The following KCNU1 variants were observed in gnomAD, a reference collection of about 807,000 sequenced individuals.
KCNU1 encodes potassium calcium-activated channel subfamily U member 1, also known as potassium channel subfamily U member 1.
A neutral mutation model predicts 126.8 loss-of-function variants in KCNU1; 93 were observed. That is an observed-to-expected ratio of 0.73 (90% CI 0.62 to 0.87). The LOEUF (loss-of-function observed/expected upper bound fraction) is 0.87. KCNU1 is among the 40% of genes least tolerant of loss of function. The pLI is 0.00. For synonymous variants in KCNU1, 523 were observed against 494.2 expected (o/e 1.06, Z -0.77); for missense variants, 1,330 against 1,367.1 (o/e 0.97, Z 0.43).
intron 24 of KCNU1, among the ~76,000 whole-genome samples, chr8:36,925,952 C>T (rs1426353564): frequency 1.3e-5 from 2 of 152,110 alleles, no homozygotes; most frequent in African/African-American, 2.4e-5. Flanking sequence ...ACCCCCAAGG[C>T]AGACATTGCT....
intron 18 of KCNU1, among the ~76,000 whole-genome samples, chr8:36,846,832 A>G (rs1805169804): frequency 1.3e-5 from 2 of 151,492 alleles, no homozygotes; most frequent in African/African-American, 4.9e-5. Context: ...GTACATTCAG[A>G]CTCTATGTGT....
chr8:36,825,271 T>C (rs2130508472), intron 10 of KCNU1, among the ~76,000 whole-genome samples: 1 of 152,328 alleles, frequency 6.6e-6, no homozygotes, highest in South Asian at 2.1e-4. Flanking sequence ...ATAAGCCACC[T>C]GGACTCCCTC....
chr8:36,851,007 G>A (rs1805323221), intron 18 of KCNU1, among the ~76,000 whole-genome samples: 1 of 152,110 alleles, frequency 6.6e-6, no homozygotes, highest in African/African-American at 2.4e-5. Context: ...TTGACACTGG[G>A]AACAATAAGT....
At chr8:36,797,865 G>A (rs1011758380) in intron 2 of KCNU1, among the ~76,000 whole-genome samples, 1 of 152,166 alleles carries the variant, frequency 6.6e-6, no homozygotes, top group East Asian at 1.9e-4. Flanking sequence ...CTAAGCTATT[G>A]TCTAGCAGCT....
rs1486317836 is a variant in KCNU1 at position 36,814,320 on chromosome 8, G to A, written c.846G>A (p.Val282=). The A allele has an allele frequency of 6.2e-7, 1 of 1,612,968 alleles. No individual in the cohort carries two copies. The highest frequency in any genetic ancestry group is 2.2e-5 in the East Asian group (1 of 44,742). ...ATTSTVGFGD[V]VAKTSLGRTF... is the part of the protein sequence containing the mutation. ...CGTCAACCGTTGGATTTGGAGATGT[G>A]GTAGCCAAGACATCCTTAGGACGGA... Residue 282 remains valine (V), a synonymous_variant, in exon 8 of 27, where the codon GTG becomes GTA. Transcript: ENST00000399881.
At chr8:36,894,328 T>C (rs1248989537) in intron 19 of KCNU1, among the ~76,000 whole-genome samples, 1 of 152,116 alleles carries the variant, frequency 6.6e-6, no homozygotes, top group Non-Finnish European at 1.5e-5. Context: ...TAAAAGAACA[T>C]CTTAGCACAG....
rs776161928 is a variant in KCNU1, at chr8:36,932,993, G to A, written c.3005G>A (p.Arg1002Gln). The A allele has an allele frequency of 1.1e-5, 17 of 1,569,296 alleles. No homozygotes were observed. The highest frequency in any genetic ancestry group is 9.3e-5 in the East Asian group (4 of 43,158). ...LFGILCVGLY[R>Q]IIDEEELNPE... ...GGAATCCTGTGTGTTGGCTTATACC[G>A]AATAATTGATGAAGAGGAGCTCAAC... The change falls in exon 26 of 27, where the codon CGA becomes CAA. Residue 1002 changes from arginine to glutamine, a missense_variant. By Grantham distance (43) the Arg-to-Gln change is conservative. Transcript: ENST00000399881.
At chr8:36,796,203 T>C (rs925385277) in intron 2 of KCNU1, among the ~76,000 whole-genome samples, 4 of 152,336 alleles carry the variant, frequency 2.6e-5, no homozygotes, top group South Asian at 2.1e-4. Flanking sequence ...GGGTTTTCGA[T>C]TGGGGATAGA....
At chr8:36,931,351 T>C (rs541107904) in intron 25 of KCNU1, among the ~76,000 whole-genome samples, 1 of 152,244 alleles carries the variant, frequency 6.6e-6, no homozygotes, top group East Asian at 1.9e-4. Context: ...ATTTTTATAA[T>C]AATTATGGGA....
chr8:36,889,701 A>G (rs1034327476), intron 19 of KCNU1, among the ~76,000 whole-genome samples: 11 of 152,138 alleles, frequency 7.2e-5, no homozygotes, highest in Non-Finnish European at 1.6e-4. Flanking sequence ...ATGGAGAAGA[A>G]GAAATGTTTG....
chr8:36,926,467 G>T (rs1029516179), intron 24 of KCNU1, among the ~76,000 whole-genome samples: 3 of 152,032 alleles, frequency 2.0e-5, no homozygotes, highest in African/African-American at 7.2e-5. Flanking sequence ...TTCATCTGTG[G>T]TATATTAGAG....
At chr8:36,829,499 T>A (rs9656749) in intron 10 of KCNU1, among the ~76,000 whole-genome samples, 8,176 of 151,866 alleles carry the variant, frequency 0.054, 768 homozygotes, top group African/African-American at 0.19. Flanking sequence ...ACTGCATTAA[T>A]ACTACAGTCT....
intron 18 of KCNU1, among the ~76,000 whole-genome samples, chr8:36,864,107 G>A (rs1280358114): frequency 6.6e-6 from 1 of 152,124 alleles, no homozygotes; most frequent in African/African-American, 2.4e-5. Flanking sequence ...TAGACATGCT[G>A]TAGCAAATGC....
intron 10 of KCNU1, among the ~76,000 whole-genome samples, chr8:36,832,205 G>A (rs1303559527): frequency 6.6e-6 from 1 of 152,186 alleles, no homozygotes; most frequent in African/African-American, 2.4e-5. Context: ...GATGCCTCCA[G>A]CTTTGTTCTT....
intron 10 of KCNU1, among the ~76,000 whole-genome samples, chr8:36,818,905 T>C (rs1804024195): frequency 6.6e-6 from 1 of 152,178 alleles, no homozygotes. Context: ...TAGCAATCTG[T>C]GCACTATTTA....
intron 2 of KCNU1, among the ~76,000 whole-genome samples, chr8:36,789,458 T>C (rs1257988695): frequency 6.6e-6 from 1 of 152,208 alleles, no homozygotes; most frequent in Admixed American, 6.5e-5. Flanking sequence ...TATAGTTCCT[T>C]CCTTCTATCC....
chr8:36,787,998 G>T (rs1278203713), intron 2 of KCNU1, among the ~76,000 whole-genome samples: 1 of 151,676 alleles, frequency 6.6e-6, no homozygotes, highest in Non-Finnish European at 1.5e-5. Flanking sequence ...ATGCAGATGG[G>T]TGTGCACATA....
intron 18 of KCNU1, among the ~76,000 whole-genome samples, chr8:36,858,297 T>A (rs1429763037): frequency 6.6e-6 from 1 of 151,984 alleles, no homozygotes; most frequent in Non-Finnish European, 1.5e-5. Context: ...TGAAGATTAT[T>A]TTTTTTTAAA....
intron 19 of KCNU1, chr8:36,889,243 G>C (rs371212234): frequency 1.9e-6 from 1 of 534,440 alleles, no homozygotes; most frequent in South Asian, 1.4e-5. Flanking sequence ...CTGAACTACC[G>C]TAAGGATGGT....
Sources: gnomAD v4.1 joint callset for allele counts (sites outside exome capture counted in the v4.1 genomes callset) on GRCh38, gnomAD v4.1.1 for gene constraint, MANE v1.5 for transcripts, NCBI Gene and HGNC (gene_info 2026-07-23, HGNC 2026-07-21) for gene names.